Variants in PLXNC1 observed in about 807,000 individuals in gnomAD.
The protein encoded by PLXNC1 is plexin C1.
In PLXNC1, 75 loss-of-function variants were observed where a neutral mutation model predicts 178.2. The observed-to-expected ratio is 0.42, with a 90% CI of 0.35 to 0.51. The LOEUF (loss-of-function observed/expected upper bound fraction) is 0.51, where lower values mean the gene tolerates loss of function less well. Ranked by LOEUF, PLXNC1 falls within the 20% of genes least tolerant of loss-of-function variation. PLXNC1 has a pLI of 0.02. For missense variants in PLXNC1, 1,503 were observed against 1,984.4 expected (o/e 0.76, Z 4.61); for synonymous variants, 790 against 779.9 (o/e 1.01, Z -0.22).
chr12:94,276,619 T>C (rs73228192), intron 21 of PLXNC1, among the ~76,000 whole-genome samples: 30,799 of 152,164 alleles, frequency 0.2, 3,229 homozygotes, highest in Admixed American at 0.24. Flanking sequence ...TCAGCCCCTC[T>C]GTGCCTCAGT....
intron 20 of PLXNC1, among the ~76,000 whole-genome samples, chr12:94,264,625 A>C (rs1022470853): frequency 1.3e-5 from 2 of 152,196 alleles, no homozygotes; most frequent in African/African-American, 4.8e-5. Context: ...AATGTATAAA[A>C]TGTTCTTACA....
intron 21 of PLXNC1, among the ~76,000 whole-genome samples, chr12:94,271,469 C>T (rs1055580708): frequency 2.0e-5 from 3 of 152,142 alleles, no homozygotes; most frequent in Non-Finnish European, 4.4e-5. Context: ...TGTGACGGGA[C>T]GATGGGTAAA....
intron 28 of PLXNC1, among the ~76,000 whole-genome samples, chr12:94,303,045 ACCTAT>A (rs778998936): frequency 5.3e-5 from 8 of 152,342 alleles, no homozygotes; most frequent in South Asian, 4.1e-4. Context: ...TCATTAACTT[ACCTAT>A]CTTCCCTGAG....
At chr12:94,178,791 A>G (rs1008594656) in intron 2 of PLXNC1, among the ~76,000 whole-genome samples, 3 of 152,216 alleles carry the variant, frequency 2.0e-5, no homozygotes, top group Non-Finnish European at 4.4e-5. Context: ...AATAGCCATT[A>G]TGTGGCTAGC....
intron 21 of PLXNC1, among the ~76,000 whole-genome samples, chr12:94,267,463 A>AT (rs1186324320): frequency 6.6e-5 from 10 of 152,034 alleles, no homozygotes; most frequent in East Asian, 5.8e-4. Flanking sequence ...GACTCTTGAA[A>AT]TTTTTTTTTC....
intron 1 of PLXNC1, among the ~76,000 whole-genome samples, chr12:94,153,374 C>A (rs1221867231): frequency 6.6e-6 from 1 of 152,242 alleles, no homozygotes; most frequent in African/African-American, 2.4e-5. Flanking sequence ...CTAATCTTGG[C>A]TTGTGTTTTA....
chr12:94,191,798 A>G (rs17022148), intron 4 of PLXNC1, among the ~76,000 whole-genome samples: 6,509 of 151,578 alleles, frequency 0.043, 263 homozygotes, highest in East Asian at 0.21. Flanking sequence ...GGCATCTAGT[A>G]TAAGTAGATA....
chr12:94,165,771 C>T (rs1035447508), intron 1 of PLXNC1, among the ~76,000 whole-genome samples: 1 of 152,122 alleles, frequency 6.6e-6, no homozygotes, highest in Middle Eastern at 3.4e-3. Flanking sequence ...CTTTTCTTTC[C>T]CCTGCACCAA....
chr12:94,165,550 C>T (rs1489240682), intron 1 of PLXNC1, among the ~76,000 whole-genome samples: 1 of 152,206 alleles, frequency 6.6e-6, no homozygotes, highest in Non-Finnish European at 1.5e-5. Context: ...TTGTCCACGT[C>T]CTGGTCCCTG....
At chr12:94,175,936 G>C (rs1051615197) in intron 2 of PLXNC1, among the ~76,000 whole-genome samples, 1 of 152,198 alleles carries the variant, frequency 6.6e-6, no homozygotes, top group Non-Finnish European at 1.5e-5. Flanking sequence ...GGTGTTCAGC[G>C]GAGAAGTGAT....
intron 10 of PLXNC1, among the ~76,000 whole-genome samples, chr12:94,239,743 T>G (rs144399663): frequency 0.017 from 2,532 of 152,282 alleles, 37 homozygotes; most frequent in Middle Eastern, 0.044. Flanking sequence ...AGGAGCACCC[T>G]GGACAGCCCC....
chr12:94,177,137 A>ATGTGTGTG (rs1555195608), intron 2 of PLXNC1, among the ~76,000 whole-genome samples: 8 of 67,416 alleles, frequency 1.2e-4, no homozygotes, highest in African/African-American at 3.0e-4. Context: ...GTGTATATAT[A>ATGTGTGTG]TGTGTGTGTG....
At chr12:94,262,486 G>T (rs1033171653) in intron 20 of PLXNC1, 1 of 985,496 alleles carries the variant, frequency 1.0e-6, no homozygotes, top group Non-Finnish European at 1.2e-6. Flanking sequence ...AGCCCAAACA[G>T]CCTCCTTGAG....
intron 2 of PLXNC1, among the ~76,000 whole-genome samples, chr12:94,180,980 C>T (rs1487233766): frequency 6.6e-6 from 1 of 152,054 alleles, no homozygotes; most frequent in Non-Finnish European, 1.5e-5. Flanking sequence ...TTATTACCAG[C>T]CTTGTTGAGG....
chr12:94,234,849 G>A (rs1176981685), intron 9 of PLXNC1, among the ~76,000 whole-genome samples: 1 of 152,164 alleles, frequency 6.6e-6, no homozygotes, highest in Non-Finnish European at 1.5e-5. Flanking sequence ...TGAATGTGTA[G>A]AACCTTTATG....
chr12:94,237,485 C>T (rs977082805), intron 9 of PLXNC1, among the ~76,000 whole-genome samples, 179 bp from the exon 10 acceptor site: 1 of 152,200 alleles, frequency 6.6e-6, no homozygotes, highest in Admixed American at 6.5e-5. Flanking sequence ...TGTTGAGAGA[C>T]ATGAATCTGC....
intron 12 of PLXNC1, among the ~76,000 whole-genome samples, chr12:94,247,440 G>A (rs1487524124): frequency 2.0e-5 from 3 of 152,132 alleles, no homozygotes; most frequent in South Asian, 2.1e-4. Context: ...TGCAACAAGC[G>A]CTTCAGGAGC....
intron 4 of PLXNC1, among the ~76,000 whole-genome samples, chr12:94,194,147 G>A (rs1962830128): frequency 6.6e-6 from 1 of 152,000 alleles, no homozygotes. Context: ...GGGGGGTTGG[G>A]GAGGTGCCAC....
At chr12:94,191,563 C>T (rs1400619109) in intron 4 of PLXNC1, among the ~76,000 whole-genome samples, 2 of 152,194 alleles carry the variant, frequency 1.3e-5, no homozygotes, top group Admixed American at 6.5e-5. Context: ...GTAGGTGGAT[C>T]ACCTGAGATC....
Sources: allele counts gnomAD v4.1 joint callset (sites outside exome capture counted in the v4.1 genomes callset), GRCh38; gene constraint gnomAD v4.1.1; transcripts MANE v1.5; gene names NCBI Gene and HGNC (gene_info 2026-07-23, HGNC 2026-07-21).